Variants in FAM83D observed in about 807,000 individuals in gnomAD.
FAM83D encodes scaffolding CK1 anchoring protein D.
In FAM83D, 26 loss-of-function variants were observed where a neutral mutation model predicts 25.4. The ratio of observed to expected loss-of-function variants is 1.02; its 90% CI spans 0.75 to 1.42. The LOEUF (loss-of-function observed/expected upper bound fraction) is 1.42, where lower values mean the gene tolerates loss of function less well. Among genes scored for constraint, FAM83D ranks in the 40% most tolerant of loss-of-function variants. The pLI is 0.00. For synonymous variants in FAM83D, 310 were observed against 318.5 expected (o/e 0.97, Z 0.28); for missense variants, 740 against 758.1 (o/e 0.98, Z 0.28).
intron 1 of FAM83D, among the ~76,000 whole-genome samples, chr20:38,939,356 G>GTTTT (rs533453530): frequency 9.7e-4 from 147 of 151,886 alleles, no homozygotes; most frequent in Non-Finnish European, 1.8e-3. Flanking sequence ...GTTTTGTTTT[G>GTTTT]TTTTGTTTTT....
chr20:38,943,913 A>G (rs1433569907), intron 2 of FAM83D, among the ~76,000 whole-genome samples: 10 of 152,050 alleles, frequency 6.6e-5, no homozygotes, highest in Non-Finnish European at 1.5e-4. Flanking sequence ...GCTGGTCTCA[A>G]ACTCCTGACC....
intron 3 of FAM83D, among the ~76,000 whole-genome samples, chr20:38,950,179 C>G (rs571681951): frequency 1.3e-5 from 2 of 152,296 alleles, no homozygotes; most frequent in East Asian, 1.9e-4. Context: ...GAAACTCTTT[C>G]ACTCAGAATT....
At chr20:38,951,115 G>T (rs548555409) in intron 3 of FAM83D, among the ~76,000 whole-genome samples, 2 of 152,146 alleles carry the variant, frequency 1.3e-5, no homozygotes, top group African/African-American at 4.8e-5. Flanking sequence ...GAGCCACCGC[G>T]CCTGGCCCCC....
At chr20:38,948,096 G>A in intron 3 of FAM83D, 96 bp downstream of exon 3, 2 of 1,413,922 alleles carry the variant, frequency 1.4e-6, no homozygotes, top group East Asian at 2.4e-5. Context: ...ATGGGAGCCT[G>A]TATGGCCATG....
chr20:38,947,663 A>G (rs2085733875), intron 2 of FAM83D, among the ~76,000 whole-genome samples: 1 of 152,232 alleles, frequency 6.6e-6, no homozygotes, highest in South Asian at 2.1e-4. Flanking sequence ...AGATGAGAAG[A>G]TGGACCAAAT....
chr20:38,928,699 G>T (rs777215349), intron 1 of FAM83D, among the ~76,000 whole-genome samples: 3 of 152,186 alleles, frequency 2.0e-5, no homozygotes, highest in Non-Finnish European at 4.4e-5. Context: ...TTAAACTCAC[G>T]TGCTGGCGTG....
At chr20:38,949,904 C>T (rs536220414) in intron 3 of FAM83D, among the ~76,000 whole-genome samples, 331 of 151,518 alleles carry the variant, frequency 2.2e-3, no homozygotes, top group African/African-American at 7.2e-3. Flanking sequence ...TGCCAAGTTC[C>T]GCCTCCTGCG....
Position 38,926,637 on chromosome 20 carries a change from G to A in FAM83D, c.195G>A (p.Val65=), listed in dbSNP as rs1286745989. Residue 65 remains valine, a synonymous_variant, in exon 1 of 4, where the codon GTG becomes GTA. Coordinates refer to ENST00000619850, the MANE Select transcript of FAM83D (RefSeq NM_030919.3). ...CTCGTTTCCTGAACCCCGATGAGGTGCACGCCATTCTGCGCGCGGCGGAGA... is the reference window on the plus strand; with the variant it reads ...CTCGTTTCCTGAACCCCGATGAGGTACACGCCATTCTGCGCGCGGCGGAGA... ...RLARFLNPDE[V]HAILRAAERP... is the part of the protein sequence containing the mutation. 6.5e-7 allele frequency: 1 copy of A among 1,538,514 alleles called. No individual in the cohort carries two copies. Among genetic ancestry groups the A allele is most frequent in the Non-Finnish European group, 8.7e-7 (1 of 1,147,852 alleles).
intron 1 of FAM83D, among the ~76,000 whole-genome samples, chr20:38,932,965 T>C (rs1208611566): frequency 1.3e-5 from 2 of 152,218 alleles, no homozygotes; most frequent in African/African-American, 4.8e-5. Context: ...TAGGAATCTG[T>C]TGGGGGCCCC....
At chr20:38,936,279 G>A (rs756268229) in intron 1 of FAM83D, among the ~76,000 whole-genome samples, 3 of 152,192 alleles carry the variant, frequency 2.0e-5, no homozygotes, top group Non-Finnish European at 4.4e-5. Context: ...CTGCACATGT[G>A]CCTGGTCAGA....
chr20:38,934,293 A>T (rs4812337), intron 1 of FAM83D, among the ~76,000 whole-genome samples: 7 of 152,166 alleles, frequency 4.6e-5, no homozygotes, highest in Admixed American at 3.9e-4. Context: ...AATGTAGTGG[A>T]TATATTGGCT....
At chr20:38,931,835 G>T (rs2145800237) in intron 1 of FAM83D, among the ~76,000 whole-genome samples, 1 of 152,378 alleles carries the variant, frequency 6.6e-6, no homozygotes, top group Non-Finnish European at 1.5e-5. Context: ...AGTAAATACT[G>T]TAGGGGCCTA....
chr20:38,944,632 A>AG (rs930683291), intron 2 of FAM83D, among the ~76,000 whole-genome samples: 1 of 152,044 alleles, frequency 6.6e-6, no homozygotes, highest in African/African-American at 2.4e-5. Context: ...GATCCTCTGC[A>AG]GGGGGGTTTA....
intron 1 of FAM83D, among the ~76,000 whole-genome samples, chr20:38,941,403 GC>G (rs1206707252): frequency 3.3e-5 from 5 of 152,162 alleles, no homozygotes; most frequent in South Asian, 2.1e-4. Flanking sequence ...AATGGGACAG[GC>G]CTTAAAAAAG....
chr20:38,926,769 G>T lies in FAM83D; in HGVS notation c.327G>T (p.Glu109Asp). ...ACTTCCCCGAGCAGTCGGACCTGGA[G>T]CCACCGCTGTTGGAGCTTGGCTGGC... Reference protein sequence around the residue: ...GTYFPEQSDLEPPLLELGWPA... With the variant: ...GTYFPEQSDLDPPLLELGWPA... The change falls in exon 1 of 4, where the codon GAG becomes GAT. Residue 109 changes from glutamate to aspartate, a missense_variant. Physicochemically the swap from Glu to Asp is conservative, Grantham distance 45. Transcript: ENST00000619850. 6.5e-7 allele frequency: 1 copy of T among 1,547,698 alleles called. No individual in the cohort carries two copies. The highest frequency in any genetic ancestry group is 1.2e-5 in the South Asian group (1 of 85,164).
intron 1 of FAM83D, among the ~76,000 whole-genome samples, chr20:38,940,053 A>T (rs2085695107): frequency 6.6e-6 from 1 of 152,158 alleles, no homozygotes; most frequent in South Asian, 2.1e-4. Context: ...AATGAGTGGG[A>T]TGAATAGAAC....
intron 2 of FAM83D, among the ~76,000 whole-genome samples, chr20:38,945,946 G>A (rs965816011): frequency 4.0e-5 from 6 of 151,812 alleles, no homozygotes; most frequent in Admixed American, 2.6e-4. Flanking sequence ...AGTGGCTCAC[G>A]CCTGTAATCC....
At chr20:38,937,209 G>T (rs557075970) in intron 1 of FAM83D, among the ~76,000 whole-genome samples, 1 of 152,338 alleles carries the variant, frequency 6.6e-6, no homozygotes, top group Admixed American at 6.5e-5. Context: ...ACTCTTGAAA[G>T]TCACCACTCT....
chr20:38,940,363 C>CT (rs910334930), intron 1 of FAM83D, among the ~76,000 whole-genome samples: 1 of 152,120 alleles, frequency 6.6e-6, no homozygotes, highest in East Asian at 1.9e-4. Context: ...GCCAAATTGC[C>CT]TTTTTGCCTC....
Sources: allele counts gnomAD v4.1 joint callset (sites outside exome capture counted in the v4.1 genomes callset), GRCh38; gene constraint gnomAD v4.1.1; transcripts MANE v1.5; gene names NCBI Gene and HGNC (gene_info 2026-07-23, HGNC 2026-07-21).